The following IL16 variants were observed in gnomAD, a reference collection of about 807,000 sequenced individuals.
The protein encoded by IL16 is interleukin 16, also known as pro-interleukin-16.
A neutral mutation model predicts 110.1 loss-of-function variants in IL16; 67 were observed. The ratio of observed to expected loss-of-function variants is 0.61; its 90% CI spans 0.50 to 0.75. The LOEUF (loss-of-function observed/expected upper bound fraction) is 0.75. Ranked by LOEUF, IL16 falls within the 30% of genes least tolerant of loss-of-function variation. The pLI is 0.00. For synonymous variants in IL16, 689 were observed against 662.9 expected (o/e 1.04, Z -0.61); for missense variants, 1,545 against 1,655.0 (o/e 0.93, Z 1.15).
rs1596050494 is a variant in IL16 at position 81,299,441 on chromosome 15, C to G, written c.2115C>G (p.Ser705Arg). 2 of 1,614,156 alleles carry G rather than the reference C, an allele frequency of 1.2e-6. No homozygotes were observed. The highest frequency in any genetic ancestry group is 8.5e-7 in the Non-Finnish European group (1 of 1,180,048). Reference protein sequence around the residue: ...LLKRQARMDYSFDTTAEDPWV... With the variant: ...LLKRQARMDYRFDTTAEDPWV... ...AGAGGCAGGCTCGGATGGACTATAG[C>G]TTTGATACCACAGCCGAAGACCCTT... Residue 705 changes from serine to arginine, a missense_variant, in exon 14 of 19, where the codon AGC becomes AGG. Physicochemically the swap from Ser to Arg is moderately radical, Grantham distance 110. This residue lies in a region of IL16 where 1,185 missense variants were observed against 1,238.8 expected (regional missense o/e 0.96). Coordinates refer to ENST00000683961, the MANE Select transcript of IL16 (RefSeq NM_172217.5).
At chr15:81,308,041 G>T (rs1596062486) in intron 18 of IL16, among the ~76,000 whole-genome samples, 1 of 152,200 alleles carries the variant, frequency 6.6e-6, no homozygotes, top group Non-Finnish European at 1.5e-5. Context: ...AATATAAACA[G>T]TAAAATAGCA....
chr15:81,186,184 AC>A (rs1895416719), intron 1 of IL16, among the ~76,000 whole-genome samples: 1 of 152,206 alleles, frequency 6.6e-6, no homozygotes, highest in African/African-American at 2.4e-5. Flanking sequence ...TGCTTTCAGC[AC>A]CAGGCATTGA....
At chr15:81,242,408 C>T (rs2142104672) in intron 2 of IL16, among the ~76,000 whole-genome samples, 1 of 152,212 alleles carries the variant, frequency 6.6e-6, no homozygotes, top group South Asian at 2.1e-4. Flanking sequence ...TCTTTCATTT[C>T]TCTCATTAGT....
At chr15:81,196,663 C>T (rs118127878), upstream of IL16, among the ~76,000 whole-genome samples, 223 of 152,328 alleles carry the variant, frequency 1.5e-3, 5 homozygotes, top group East Asian at 0.036. Flanking sequence ...AAGGCAGGGG[C>T]AACTGGGCTG....
At position 81,303,680 on chromosome 15, in the gene IL16, A is replaced by G. The variant is rs1161282819; in HGVS notation, c.3420+30A>G. The stretch of plus-strand genomic sequence containing the variant: ...GTGGCCAAGTGAAGGGGCATGTCAC[A>G]GCCAGAGGCAATGGTTCTGGGGGAG... On this transcript the variant is annotated intron_variant, in intron 16 of 18. Coordinates refer to ENST00000683961, the MANE Select transcript of IL16 (RefSeq NM_172217.5). The surrounding 1 kb of genome is among the most constrained non-coding windows in gnomAD (Gnocchi z 4.1). 3 of 1,420,888 alleles carry G rather than the reference A, an allele frequency of 2.1e-6. No homozygotes were observed. The South Asian group carries it at 3.4e-5, about 16-fold the overall frequency. 88.0% of individuals were successfully genotyped at this position (1,420,888 alleles called of 1,614,324 possible).
chr15:81,279,433 GA>G, intron 7 of IL16, 124 bp from the exon 8 acceptor site: 3 of 639,210 alleles, frequency 4.7e-6, no homozygotes, highest in Non-Finnish European at 8.1e-6. Context: ...TAACATGTAT[GA>G]ATATATGCGC....
At chr15:81,219,269 C>T (rs777256205) in intron 1 of IL16, among the ~76,000 whole-genome samples, 4 of 152,152 alleles carry the variant, frequency 2.6e-5, no homozygotes, top group South Asian at 2.1e-4. Flanking sequence ...TGACTGAGTG[C>T]GTCCTAAGTG....
intron 11 of IL16, chr15:81,291,934 G>A (rs1042884948): frequency 2.2e-6 from 1 of 456,092 alleles, no homozygotes; most frequent in Non-Finnish European, 4.4e-6. Flanking sequence ...ATGCAGAAAT[G>A]GAGTTGGGTC....
chr15:81,298,412 T>C (rs1315640914), intron 13 of IL16, among the ~76,000 whole-genome samples: 1 of 152,150 alleles, frequency 6.6e-6, no homozygotes, highest in Non-Finnish European at 1.5e-5. Context: ...CCCTCTCCCT[T>C]ACCCATGCAG....
At chr15:81,212,741 G>T (rs949672974) in intron 1 of IL16, among the ~76,000 whole-genome samples, 13 of 152,144 alleles carry the variant, frequency 8.5e-5, no homozygotes, top group African/African-American at 3.1e-4. Flanking sequence ...AAAAGTGCCA[G>T]GATTACAGGC....
intron 9 of IL16, among the ~76,000 whole-genome samples, chr15:81,284,906 A>G (rs916813605): frequency 6.6e-6 from 1 of 152,338 alleles, no homozygotes; most frequent in South Asian, 2.1e-4. Flanking sequence ...CAAAGCATGC[A>G]ACACCAAAAA....
intron 2 of IL16, among the ~76,000 whole-genome samples, chr15:81,242,301 G>A (rs894498331): frequency 6.6e-6 from 1 of 152,124 alleles, no homozygotes; most frequent in South Asian, 2.1e-4. Flanking sequence ...GGTAGGAATT[G>A]CGTTAAACCA....
intron 18 of IL16, 35 bp downstream of exon 18, chr15:81,306,580 A>T (rs1417506859): frequency 2.5e-6 from 4 of 1,606,828 alleles, no homozygotes; most frequent in Non-Finnish European, 3.4e-6. Flanking sequence ...CGTGCTCTCC[A>T]GTTGTGGGCA....
intron 1 of IL16, among the ~76,000 whole-genome samples, chr15:81,213,731 T>C (rs1896329040): frequency 6.6e-6 from 1 of 152,222 alleles, no homozygotes; most frequent in Admixed American, 6.5e-5. Context: ...ATTTGCATAG[T>C]ATATCTTTCT....
chr15:81,231,364 C>CTG (rs1896975173), intron 2 of IL16, among the ~76,000 whole-genome samples: 1 of 146,796 alleles, frequency 6.8e-6, no homozygotes, highest in African/African-American at 2.5e-5. Context: ...CTCTCTCTCT[C>CTG]TCTCTCTCTC....
At chr15:81,304,306 C>T (rs17875580) in intron 16 of IL16, among the ~76,000 whole-genome samples, 1,576 of 152,238 alleles carry the variant, frequency 0.01, 16 homozygotes, top group Non-Finnish European at 0.016. Context: ...GATTCCTGAC[C>T]GTGTAGTTTA....
chr15:81,281,130 G>T, intron 8 of IL16, among the ~76,000 whole-genome samples: 1 of 152,162 alleles, frequency 6.6e-6, no homozygotes. Context: ...GGACACCTGG[G>T]CTGTGGGAAG....
At chr15:81,306,636 T>C (rs1320943384) in intron 18 of IL16, 91 bp downstream of exon 18, 8 of 1,502,854 alleles carry the variant, frequency 5.3e-6, no homozygotes, top group Non-Finnish European at 7.3e-6. Flanking sequence ...CTGGGCTATG[T>C]TGTTTCCCAC....
intron 1 of IL16, among the ~76,000 whole-genome samples, chr15:81,203,700 T>TACCAA (rs1305568696): frequency 1.3e-5 from 2 of 152,342 alleles, no homozygotes; most frequent in East Asian, 3.9e-4. Context: ...TTGGTACCAG[T>TACCAA]ACCATGCTGT....
Sources: allele counts gnomAD v4.1 joint callset (sites outside exome capture counted in the v4.1 genomes callset), GRCh38; gene constraint gnomAD v4.1.1; regional missense constraint gnomAD v4.1.1; non-coding constraint Gnocchi (gnomAD v3.1); transcripts MANE v1.5; gene names NCBI Gene and HGNC (gene_info 2026-07-23, HGNC 2026-07-21).